Variants in ANK1 observed in about 807,000 individuals in gnomAD.
ANK1 encodes ankyrin-1.
Under a neutral mutation model 210.4 loss-of-function variants are expected in ANK1, and 51 were observed. The observed-to-expected ratio is 0.24, with a 90% CI of 0.19 to 0.31. The LOEUF is 0.31. ANK1 is among the 10% of genes least tolerant of loss of function. ANK1 has a pLI of 1.00. For synonymous variants in ANK1, 967 were observed against 1,025.9 expected, an observed-to-expected ratio of 0.94 and a Z score of 1.10; for missense variants, 2,051 against 2,504.4, an observed-to-expected ratio of 0.82 and a Z score of 3.86.
chr8:41,871,215 C>T (rs1815423071), intron 1 of ANK1, among the ~76,000 whole-genome samples: 1 of 152,246 alleles, frequency 6.6e-6, no homozygotes. Flanking sequence ...TGCATCTTCT[C>T]TCTCCCACTG....
intron 16 of ANK1, among the ~76,000 whole-genome samples, chr8:41,713,919 TCTGCGAGGTAACCC>T (rs1394901249): frequency 2.0e-5 from 3 of 152,208 alleles, no homozygotes; most frequent in Admixed American, 2.0e-4. Flanking sequence ...AAGTTCCGCC[TCTGCGAGGTAACCC>T]CTGGCTGGGA....
At chr8:41,814,727 T>TC (rs553539204) in intron 1 of ANK1, among the ~76,000 whole-genome samples, 1 of 47,650 alleles carries the variant, frequency 2.1e-5, no homozygotes, top group Non-Finnish European at 4.7e-5. Flanking sequence ...TAGATTCTTA[T>TC]TTTTTTTTAT....
chr8:41,695,515 T>C (rs992576759), intron 26 of ANK1, among the ~76,000 whole-genome samples, 184 bp from the exon 27 acceptor site: 2 of 152,046 alleles, frequency 1.3e-5, no homozygotes, highest in African/African-American at 4.8e-5. Context: ...GGGCTTCCCA[T>C]GGCCCCGCTT....
chr8:41,815,643 T>C lies in ANK1; in HGVS notation c.127-57506A>G, dbSNP rs75118918. Among the ~76,000 whole-genome samples the C allele has an allele frequency of 1.1e-3, 163 of 152,312 alleles. 2 individuals carry two copies. In the East Asian group the frequency reaches 0.029, roughly 27 times the overall value. Reference sequence around the variant, plus strand: ...CAACTTACTTTCCTTGTATACTTTCTATGCAGAATTGTTTTTCTTATCATT... The same window carrying C: ...CAACTTACTTTCCTTGTATACTTTCCATGCAGAATTGTTTTTCTTATCATT... On this transcript the variant is annotated intron_variant, in intron 1 of 42. Coordinates refer to the ANK1 transcript ENST00000265709.
chr8:41,655,679 C>A lies in ANK1; in HGVS notation c.*111G>T, dbSNP rs776404814. The A allele has an allele frequency of 6.2e-7, 1 of 1,606,078 alleles. No individual in the cohort carries two copies. Among genetic ancestry groups the A allele is most frequent in the African/African-American group, 1.3e-5 (1 of 74,826 alleles). ...AGGAATGTGTGCACCGCTGCGGTGG[C>A]CCTCAGGTCCAGCTCTCCTCCTGTG... On this transcript the variant is annotated 3_prime_UTR_variant, in exon 43 of 43. Coordinates refer to ENST00000289734, the MANE Select transcript of ANK1 (RefSeq NM_000037.4).
intron 1 of ANK1, among the ~76,000 whole-genome samples, chr8:41,805,134 T>TTC (rs548570443): frequency 6.8e-6 from 1 of 146,758 alleles, no homozygotes; most frequent in Admixed American, 6.7e-5. Context: ...CTCTCTTTCT[T>TTC]TCTCTCTCTC....
At chr8:41,685,851 G>A (rs1438023705) in intron 36 of ANK1, among the ~76,000 whole-genome samples, 1 of 152,186 alleles carries the variant, frequency 6.6e-6, no homozygotes, top group African/African-American at 2.4e-5. Flanking sequence ...CTAGGCTCAA[G>A]CCACCCTCCC....
At chr8:41,663,560 G>C in intron 40 of ANK1, 99 bp downstream of exon 40, 1 of 1,219,910 alleles carries the variant, frequency 8.2e-7, no homozygotes. Flanking sequence ...GTGCTCACCT[G>C]CTGTGAGGGC....
rs1054625318 is a variant in ANK1, at chr8:41,723,212, T to C, written c.822A>G (p.Thr274=). ...QIETKTKDEL[T]PLHCAARNGH... ...CATTTCGAGCTGCACAGTGGAGAGG[T>C]GTCAATTCGTCCTTTAAAAGACAGA... The change falls in exon 9 of 43, where the codon ACA becomes ACG. Residue 274 remains threonine (T), a synonymous_variant. Transcript: ENST00000289734. 1 of 1,613,690 alleles carries C rather than the reference T, an allele frequency of 6.2e-7. No homozygotes were observed. Among genetic ancestry groups the C allele is most frequent in the African/African-American group, 1.3e-5 (1 of 74,778 alleles).
rs767054012 is a variant in ANK1 at position 41,714,144 on chromosome 8, G to A, written c.1800+12C>T. 4.5e-6 allele frequency: 6 copies of A among 1,344,600 alleles called. No individual in the cohort carries two copies. The highest frequency in any genetic ancestry group is 5.8e-6 in the Non-Finnish European group (6 of 1,035,354). 83.3% of individuals were successfully genotyped at this position (1,344,600 alleles called of 1,614,324 possible). ...CTCTCCAGGGGCAGCTGGGGAGAGG[G>A]GCGGGCCTTACCCAGGCAGGGCTGT... On this transcript the variant is annotated intron_variant, in intron 16 of 42. Coordinates refer to ENST00000289734, the MANE Select transcript of ANK1 (RefSeq NM_000037.4).
chr8:41,665,158 T>A (rs1810052334), intron 39 of ANK1: 1 of 1,535,836 alleles, frequency 6.5e-7, no homozygotes, highest in East Asian at 2.4e-5. Context: ...CTCTCTGGTT[T>A]GCTCTCTTGG....
intron 3 of ANK1, among the ~76,000 whole-genome samples, chr8:41,729,753 C>T (rs1462923148): frequency 2.0e-5 from 3 of 152,196 alleles, no homozygotes; most frequent in Non-Finnish European, 4.4e-5. Context: ...CATCTGTTCC[C>T]GGGATACCCA....
chr8:41,748,148 T>C (rs1008095286), intron 2 of ANK1, among the ~76,000 whole-genome samples: 11 of 152,174 alleles, frequency 7.2e-5, no homozygotes, highest in Admixed American at 5.9e-4. Context: ...CCTAGCTGCA[T>C]ATCTGGTTTA....
chr8:41,778,484 T>A (rs13263799), intron 1 of ANK1, among the ~76,000 whole-genome samples: 33,717 of 152,120 alleles, frequency 0.22, 4,767 homozygotes, highest in Non-Finnish European at 0.3. Context: ...ATACCACCAA[T>A]GCTTTTTCAA....
In ANK1 at chr8:41,694,192, G is replaced by A. The variant is rs562965061; in HGVS notation, c.3328-90C>T. ...AGCTCCATGCCTGGTGAGAGTGGCC[G>A]TCAGTGCACGGGGTCCCGCCCTGCT... is the stretch of plus-strand genomic sequence containing the variant. On this transcript the variant is annotated intron_variant, in intron 28 of 42. Coordinates refer to ENST00000289734, the MANE Select transcript of ANK1 (RefSeq NM_000037.4). This position sits in a 1 kb window ranked among gnomAD's most constrained non-coding sequence, Gnocchi z 5.7. The A allele has an allele frequency of 4.0e-5, 55 of 1,372,792 alleles. No homozygotes were observed. Among genetic ancestry groups the A allele is most frequent in the African/African-American group, 8.6e-5 (6 of 69,944 alleles). The allele number at this position is 1,372,792 out of a possible 1,614,324, so 85.0% of individuals were successfully genotyped here.
chr8:41,807,756 AGT>A (rs1219604534), intron 1 of ANK1, among the ~76,000 whole-genome samples: 1 of 152,132 alleles, frequency 6.6e-6, no homozygotes, highest in Non-Finnish European at 1.5e-5. Context: ...GTAAAATACT[AGT>A]GTTCAAAGGA....
chr8:41,677,681 C>T (rs1373754947), intron 37 of ANK1, among the ~76,000 whole-genome samples: 2 of 151,786 alleles, frequency 1.3e-5, no homozygotes, highest in Non-Finnish European at 2.9e-5. Context: ...CCTCTGCCTC[C>T]TGGGCTCAAG....
intron 20 of ANK1, among the ~76,000 whole-genome samples, chr8:41,703,251 T>G (rs76141671): frequency 0.036 from 5,425 of 151,836 alleles, 175 homozygotes; most frequent in African/African-American, 0.089. Context: ...AAGATAACCT[T>G]GAGCCCTGAA....
chr8:41,776,472 C>T (rs1416631977), intron 1 of ANK1, among the ~76,000 whole-genome samples: 2 of 152,086 alleles, frequency 1.3e-5, no homozygotes, highest in African/African-American at 4.8e-5. Context: ...GTCATGTAAC[C>T]TCCATTGCAC....
Sources: allele counts gnomAD v4.1 joint callset (sites outside exome capture counted in the v4.1 genomes callset), GRCh38; gene constraint gnomAD v4.1.1; non-coding constraint Gnocchi (gnomAD v3.1); transcripts MANE v1.5; gene names NCBI Gene and HGNC (gene_info 2026-07-23, HGNC 2026-07-21).